Variants in FGF14 observed in about 807,000 individuals in gnomAD.
The protein encoded by FGF14 is fibroblast growth factor 14, also known as fibroblast growth factor homologous factor 4.
A neutral mutation model predicts 25.5 loss-of-function variants in FGF14; 5 were observed. The ratio of observed to expected loss-of-function variants is 0.20; its 90% CI spans 0.10 to 0.41. The LOEUF (loss-of-function observed/expected upper bound fraction) is 0.41. Ranked by LOEUF, FGF14 falls within the 10% of genes least tolerant of loss-of-function variation. FGF14 has a pLI of 1.00. For synonymous variants in FGF14, 138 were observed against 118.3 expected, an observed-to-expected ratio of 1.17 and a Z score of -1.08; for missense variants, 222 against 320.1, an observed-to-expected ratio of 0.69 and a Z score of 2.34.
chr13:102,352,543 T>C (rs1022340155), intron 1 of FGF14, among the ~76,000 whole-genome samples: 13 of 152,170 alleles, frequency 8.5e-5, no homozygotes, highest in Non-Finnish European at 1.8e-4. Flanking sequence ...CCGGGCGCGG[T>C]GGCTCACGCC....
intron 1 of FGF14, among the ~76,000 whole-genome samples, chr13:102,173,544 A>G (rs2048328600): frequency 6.6e-6 from 1 of 152,224 alleles, no homozygotes; most frequent in African/African-American, 2.4e-5. Context: ...TCACTGCAGC[A>G]TGATTCTCAA....
intron 1 of FGF14, among the ~76,000 whole-genome samples, chr13:101,952,935 G>A (rs893224321): frequency 6.6e-6 from 1 of 152,206 alleles, no homozygotes; most frequent in Non-Finnish European, 1.5e-5. Context: ...TCAGGAGACT[G>A]AGGCTGGAGA....
rs538267253 is a variant in FGF14 at position 102,197,224 on chromosome 13, T to C, written c.208+204247A>G. ...CCAATGACTTCTTCACATTCTCCTT[T>C]TGGCCCTTCTAAAGTGGATATCAAG... On this transcript the variant is annotated intron_variant, in intron 1 of 4. Coordinates refer to the FGF14 transcript ENST00000376131. Among the ~76,000 whole-genome samples the C allele has an allele frequency of 2.0e-5, 3 of 152,346 alleles. No homozygotes were observed. In the East Asian group the frequency reaches 5.8e-4, roughly 29 times the overall value.
chr13:102,280,224 A>C (rs2053759588), intron 1 of FGF14, among the ~76,000 whole-genome samples: 1 of 152,222 alleles, frequency 6.6e-6, no homozygotes, highest in Non-Finnish European at 1.5e-5. Flanking sequence ...CTAAAGAATA[A>C]ATAGCATATT....
intron 3 of FGF14, among the ~76,000 whole-genome samples, chr13:101,753,799 G>A (rs1347260111): frequency 7.7e-4 from 110 of 143,636 alleles, no homozygotes; most frequent in Middle Eastern, 3.6e-3. Flanking sequence ...GCAAAACTCC[G>A]TCTCAAAAAA....
chr13:102,061,827 A>T (rs897190952), intron 1 of FGF14, among the ~76,000 whole-genome samples: 1 of 152,220 alleles, frequency 6.6e-6, no homozygotes, highest in Non-Finnish European at 1.5e-5. Flanking sequence ...GCACACGGAG[A>T]GATCACATGT....
intron 3 of FGF14, among the ~76,000 whole-genome samples, chr13:101,764,110 G>C (rs1268028882): frequency 6.6e-6 from 1 of 152,166 alleles, no homozygotes; most frequent in East Asian, 1.9e-4. Context: ...CACTGACACT[G>C]TTAAGAATTG....
chr13:102,391,612 TTA>T, intron 1 of FGF14, among the ~76,000 whole-genome samples: 1 of 152,330 alleles, frequency 6.6e-6, no homozygotes, highest in Non-Finnish European at 1.5e-5. Flanking sequence ...GTGAGGTATT[TTA>T]TGTTACTTGT....
chr13:102,176,115 C>T (rs898348983), intron 1 of FGF14, among the ~76,000 whole-genome samples: 3 of 152,102 alleles, frequency 2.0e-5, no homozygotes, highest in African/African-American at 7.2e-5. Context: ...GACATGTGCA[C>T]TCATATGTTT....
intron 1 of FGF14, among the ~76,000 whole-genome samples, chr13:102,300,745 A>C (rs2054994376): frequency 6.6e-6 from 1 of 152,162 alleles, no homozygotes; most frequent in African/African-American, 2.4e-5. Context: ...TTGTTGACTA[A>C]AGTTATATAT....
intron 1 of FGF14, among the ~76,000 whole-genome samples, chr13:102,246,751 C>CAA (rs1555386338): frequency 6.7e-6 from 1 of 148,184 alleles, no homozygotes; most frequent in East Asian, 2.0e-4. Context: ...TTATATGGAA[C>CAA]ATATATATAT....
At position 102,329,015 on chromosome 13, in the gene FGF14, C is replaced by T. The variant is rs573000439; in HGVS notation, c.208+72456G>A. 5.9e-5 allele frequency among the ~76,000 whole-genome samples: 9 copies of T among 152,230 alleles called. No individual in the cohort carries two copies. In the South Asian group the frequency reaches 1.5e-3, roughly 25 times the overall value. Reference sequence around the variant, plus strand: ...TTTAAGAAGCCTAGGAGTTCCAGTTCGTTCCTGACCTCTCAGACTGTCACC... The same window carrying T: ...TTTAAGAAGCCTAGGAGTTCCAGTTTGTTCCTGACCTCTCAGACTGTCACC... On this transcript the variant is annotated intron_variant, in intron 1 of 4. Transcript: ENST00000376131.
chr13:102,280,688 G>T (rs2053784473), intron 1 of FGF14, among the ~76,000 whole-genome samples: 1 of 152,180 alleles, frequency 6.6e-6, no homozygotes, highest in Non-Finnish European at 1.5e-5. Context: ...TTGAATGGTG[G>T]TTTTTGTTTT....
intron 1 of FGF14, among the ~76,000 whole-genome samples, chr13:101,951,646 A>G (rs185946316): frequency 1.3e-5 from 2 of 152,252 alleles, no homozygotes; most frequent in Admixed American, 6.5e-5. Context: ...TTGATTTTCA[A>G]ACTAGTTGAT....
rs149832985 is a variant in FGF14 at position 102,376,710 on chromosome 13, T to C, written c.208+24761A>G. On this transcript the variant is annotated intron_variant, in intron 1 of 4. Coordinates refer to the FGF14 transcript ENST00000376131. ...CAAGGAAGTATGAAGTAACTTTAAA[T>C]GAAGTTTAATTGCTGCTGGGATATT... 3.1e-3 allele frequency among the ~76,000 whole-genome samples: 476 copies of C among 152,358 alleles called. 5 individuals are homozygous for C. The highest frequency in any genetic ancestry group is 0.011 in the African/African-American group (466 of 41,592).
intron 1 of FGF14, among the ~76,000 whole-genome samples, chr13:102,331,047 C>T (rs528946909): frequency 6.6e-6 from 1 of 152,094 alleles, no homozygotes; most frequent in East Asian, 1.9e-4. Context: ...GGTGCTTGGA[C>T]GTGTCATTGA....
intron 1 of FGF14, among the ~76,000 whole-genome samples, chr13:102,064,571 AAAATGAAAAT>A (rs1307841589): frequency 6.6e-6 from 1 of 152,008 alleles, no homozygotes; most frequent in African/African-American, 2.4e-5. Flanking sequence ...GAAAAGCATA[AAAATGAAAAT>A]AAAAGGTAGC....
At chr13:101,760,809 G>C (rs2037977614) in intron 3 of FGF14, among the ~76,000 whole-genome samples, 1 of 151,874 alleles carries the variant, frequency 6.6e-6, no homozygotes, top group African/African-American at 2.4e-5. Flanking sequence ...AAACTTATTT[G>C]TTTATGATCT....
chr13:102,156,871 A>AC (rs2047367988), intron 1 of FGF14, among the ~76,000 whole-genome samples: 1 of 152,158 alleles, frequency 6.6e-6, no homozygotes, highest in Non-Finnish European at 1.5e-5. Context: ...CCAATAACAG[A>AC]AAAATAGCCA....
Sources: allele counts gnomAD v4.1 joint callset (sites outside exome capture counted in the v4.1 genomes callset), GRCh38; gene constraint gnomAD v4.1.1; transcripts MANE v1.5; gene names NCBI Gene and HGNC (gene_info 2026-07-23, HGNC 2026-07-21).